The following B3GALNT2 variants were observed in gnomAD, a reference collection of about 807,000 sequenced individuals.
The protein encoded by B3GALNT2 is beta-1,3-N-acetylgalactosaminyltransferase 2.
Under a neutral mutation model 61.1 loss-of-function variants are expected in B3GALNT2, and 53 were observed. That is an observed-to-expected ratio of 0.87 (90% CI 0.70 to 1.09). B3GALNT2 has a LOEUF of 1.09. B3GALNT2 is among the 50% of genes least tolerant of loss of function. B3GALNT2 has a pLI of 0.00. For synonymous variants in B3GALNT2, 223 were observed against 237.4 expected, an observed-to-expected ratio of 0.94 and a Z score of 0.56; for missense variants, 544 against 623.0, an observed-to-expected ratio of 0.87 and a Z score of 1.35.
At position 235,450,066 on chromosome 1, in the gene B3GALNT2, T is replaced by G; in HGVS notation, c.*140A>C. On this transcript the variant is annotated 3_prime_UTR_variant, in exon 12 of 12. Coordinates refer to ENST00000366600, the MANE Select transcript of B3GALNT2 (RefSeq NM_152490.5). ...TGTGCAAACATTAAGAAACACCGCA[T>G]TGGTTCTGGGTGAAAGTGCCAGTCT... 1 of 1,003,232 alleles carries G rather than the reference T, an allele frequency of 1.0e-6. No homozygotes were observed. The highest frequency in any genetic ancestry group is 1.6e-5 in the African/African-American group (1 of 62,312). The allele number at this position is 1,003,232 out of a possible 1,614,324, so 62.1% of individuals were successfully genotyped here.
rs1342844576 is a variant in B3GALNT2 at position 235,494,693 on chromosome 1, G to A, written c.248C>T (p.Thr83Ile). 1 of 1,612,126 alleles carries A rather than the reference G, an allele frequency of 6.2e-7. No homozygotes were observed. The highest frequency in any genetic ancestry group is 8.5e-7 in the Non-Finnish European group (1 of 1,178,942). ...TWMRHLLQHP[T>I]LSQRVLVKFI... ...TCAGAAAACCTACCGTTGACTTAATGTGGGATGCTGTAGCAAATGTCTCAT... is the reference window on the plus strand; with the variant it reads ...TCAGAAAACCTACCGTTGACTTAATATGGGATGCTGTAGCAAATGTCTCAT... The change falls in exon 2 of 12, where the codon ACA becomes ATA. Residue 83 changes from threonine to isoleucine, a missense_variant. Physicochemically the swap from Thr to Ile is moderately conservative, Grantham distance 89 (BLOSUM62 -1). Coordinates refer to ENST00000366600, the MANE Select transcript of B3GALNT2 (RefSeq NM_152490.5).
In B3GALNT2 at chr1:235,455,699, G is replaced by A. The variant is rs1341271886; in HGVS notation, c.1026-15C>T. The A allele has an allele frequency of 3.7e-6, 6 of 1,604,176 alleles. No homozygotes were observed. The highest frequency in any genetic ancestry group is 5.1e-6 in the Non-Finnish European group (6 of 1,171,784). On this transcript the variant is annotated splice_polypyrimidine_tract_variant and intron_variant, in intron 8 of 11. Coordinates refer to ENST00000366600, the MANE Select transcript of B3GALNT2 (RefSeq NM_152490.5). Reference sequence around the variant, plus strand: ...TTTCCACAGTCCTGTTGACACAAAAGGGATAAGAAAGTCAGTGCGACCAAA... The same window carrying A: ...TTTCCACAGTCCTGTTGACACAAAAAGGATAAGAAAGTCAGTGCGACCAAA...
At position 235,494,778 on chromosome 1, in the gene B3GALNT2, C is replaced by A; in HGVS notation, c.163G>T (p.Val55Phe). Reference protein sequence around the residue: ...QWKSTHYDVVVGVLSARNNHE... With the variant: ...QWKSTHYDVVFGVLSARNNHE... ...TTATTGCGAGCTGACAACACGCCAA[C>A]TACCACATCATAGTGAGTAGATTTC... is the stretch of plus-strand genomic sequence containing the variant. Residue 55 changes from valine to phenylalanine, a missense_variant, in exon 2 of 12, where the codon GTT becomes TTT. Val to Phe is a conservative substitution (Grantham distance 50). Transcript: ENST00000366600. 6.2e-7 allele frequency: 1 copy of A among 1,611,380 alleles called. No individual in the cohort carries two copies.
At chr1:235,483,498 G>A (rs1038999134) in intron 4 of B3GALNT2, among the ~76,000 whole-genome samples, 7 of 152,062 alleles carry the variant, frequency 4.6e-5, no homozygotes, top group Non-Finnish European at 8.8e-5. Flanking sequence ...CAGCACTTTG[G>A]GAGGCTACTT....
chr1:235,450,084 G>T lies in B3GALNT2; in HGVS notation c.*122C>A. 1 of 1,195,026 alleles carries T rather than the reference G, an allele frequency of 8.4e-7. No individual in the cohort carries two copies. Among genetic ancestry groups the T allele is most frequent in the Non-Finnish European group, 1.2e-6 (1 of 845,232 alleles). 74.0% of individuals were successfully genotyped at this position (1,195,026 alleles called of 1,614,324 possible). On this transcript the variant is annotated 3_prime_UTR_variant, in exon 12 of 12. Coordinates refer to ENST00000366600, the MANE Select transcript of B3GALNT2 (RefSeq NM_152490.5). Reference sequence around the variant, plus strand: ...CACCGCATTGGTTCTGGGTGAAAGTGCCAGTCTGGAACTCTCTTGAAAGAC... The same window carrying T: ...CACCGCATTGGTTCTGGGTGAAAGTTCCAGTCTGGAACTCTCTTGAAAGAC...
chr1:235,490,978 T>C (rs1488859453), intron 2 of B3GALNT2, among the ~76,000 whole-genome samples: 1 of 152,104 alleles, frequency 6.6e-6, no homozygotes, highest in Non-Finnish European at 1.5e-5. Flanking sequence ...GTTTGGTTTA[T>C]TGTTTTGTTG....
At chr1:235,469,048 T>G (rs985618062) in intron 6 of B3GALNT2, among the ~76,000 whole-genome samples, 13 of 152,150 alleles carry the variant, frequency 8.5e-5, no homozygotes, top group African/African-American at 2.9e-4. Flanking sequence ...GGCCTACAAA[T>G]CTAAATGTAT....
Position 235,453,200 on chromosome 1 carries a change from T to C in B3GALNT2, c.1312-54A>G, listed in dbSNP as rs1423968298. ...AAAAATTTTAATGCTATTTTATTTG[T>C]AAAGACAAAACCATAGCCACTCCCA... On this transcript the variant is annotated intron_variant, in intron 10 of 11. Coordinates refer to ENST00000366600, the MANE Select transcript of B3GALNT2 (RefSeq NM_152490.5). 10 of 1,522,660 alleles carry C rather than the reference T, an allele frequency of 6.6e-6. No individual in the cohort carries two copies. The Admixed American group carries it at 1.5e-4, about 23-fold the overall frequency. The allele number at this position is 1,522,660 out of a possible 1,614,324, so 94.3% of individuals were successfully genotyped here.
intron 3 of B3GALNT2, among the ~76,000 whole-genome samples, chr1:235,487,291 T>G (rs898707670): frequency 6.6e-6 from 1 of 152,228 alleles, no homozygotes; most frequent in Non-Finnish European, 1.5e-5. Context: ...ACCTCTATTT[T>G]GTAATACAGA....
At chr1:235,441,395 T>A in the B3GALNT2 span, 1 of 260,336 alleles carries the variant, frequency 3.8e-6, no homozygotes, top group Non-Finnish European at 7.4e-6. Flanking sequence ...TGGCACCAGG[T>A]TTCTGTCAGC....
At chr1:235,477,493 G>A (rs189824669) in intron 5 of B3GALNT2, among the ~76,000 whole-genome samples, 2 of 152,154 alleles carry the variant, frequency 1.3e-5, no homozygotes, top group African/African-American at 2.4e-5. Context: ...ATAAAACTGC[G>A]ATTAGCTTGA....
At chr1:235,474,976 TATATATA>T (rs1489017317) in intron 5 of B3GALNT2, among the ~76,000 whole-genome samples, 783 of 32,116 alleles carry the variant, frequency 0.024, 26 homozygotes, top group African/African-American at 0.085. Flanking sequence ...TATATATATA[TATATATA>T]TATATTTTTT....
Position 235,448,957 on chromosome 1 carries a change from T to C in B3GALNT2, c.*1249A>G. The C allele has an allele frequency of 1.9e-6, 1 of 525,694 alleles. No homozygotes were observed. Among genetic ancestry groups the C allele is most frequent in the South Asian group, 2.0e-5 (1 of 49,850 alleles). 32.6% of individuals were successfully genotyped at this position (525,694 alleles called of 1,614,324 possible). A position where few individuals can be genotyped will look rare whatever the true frequency, so the allele number is the denominator to read the frequency against. ...TACATAATAGCAATAATAAAGGCTTTGAACCTACTAATGATTTTCTGATCT... is the reference window on the plus strand; with the variant it reads ...TACATAATAGCAATAATAAAGGCTTCGAACCTACTAATGATTTTCTGATCT... On this transcript the variant is annotated 3_prime_UTR_variant, in exon 12 of 12. Coordinates refer to ENST00000366600, the MANE Select transcript of B3GALNT2 (RefSeq NM_152490.5).
chr1:235,474,987 A>ATATATTTTT (rs1180244284), intron 5 of B3GALNT2, among the ~76,000 whole-genome samples: 2 of 35,572 alleles, frequency 5.6e-5, no homozygotes, highest in Non-Finnish European at 9.7e-5. Context: ...ATATATATAT[A>ATATATTTTT]TTTTTTTTTT....
chr1:235,490,914 T>C (rs1685033264), intron 2 of B3GALNT2, among the ~76,000 whole-genome samples: 1 of 152,122 alleles, frequency 6.6e-6, no homozygotes, highest in Non-Finnish European at 1.5e-5. Flanking sequence ...TCACTTGAAT[T>C]GGCCATAGTG....
At chr1:235,452,761 C>G (rs964275548) in intron 11 of B3GALNT2, among the ~76,000 whole-genome samples, 3 of 151,990 alleles carry the variant, frequency 2.0e-5, no homozygotes, top group African/African-American at 7.3e-5. Flanking sequence ...ACCATGTTGC[C>G]CAGGCTGGTC....
intron 2 of B3GALNT2, among the ~76,000 whole-genome samples, chr1:235,492,609 T>C (rs1202296490): frequency 6.6e-6 from 1 of 152,294 alleles, no homozygotes; most frequent in African/African-American, 2.4e-5. Flanking sequence ...GAAGCCCCAA[T>C]GCTCATGAAA....
In B3GALNT2 at chr1:235,465,647, T is replaced by C. The variant is rs1359429514; in HGVS notation, c.830A>G (p.Tyr277Cys). Residue 277 changes from tyrosine to cysteine, a missense_variant, in exon 7 of 12, where the codon TAT (tyrosine) becomes TGT (cysteine). Physicochemically the swap from Tyr to Cys is radical, Grantham distance 194. Coordinates refer to ENST00000366600, the MANE Select transcript of B3GALNT2 (RefSeq NM_152490.5). ...ACTAGCAAACTTACCCTGAATAGTA[T>C]ATATAAAACCACCTGCAACTCCCTC... ...GVEGVAGGFI[Y>C]TIQEGDALLH... 1.9e-6 allele frequency: 3 copies of C among 1,614,088 alleles called. No homozygotes were observed. The highest frequency in any genetic ancestry group is 1.7e-5 in the Admixed American group (1 of 60,002).
At chr1:235,479,217 T>G (rs1000836456) in intron 5 of B3GALNT2, 4 of 152,200 alleles carry the variant, frequency 2.6e-5, no homozygotes, top group Non-Finnish European at 4.4e-5. Flanking sequence ...AGTTTCTTGG[T>G]TAGTCACCAG....
Sources: gnomAD v4.1 joint callset for allele counts (sites outside exome capture counted in the v4.1 genomes callset) on GRCh38, gnomAD v4.1.1 for gene constraint, MANE v1.5 for transcripts, NCBI Gene and HGNC (gene_info 2026-07-23, HGNC 2026-07-21) for gene names.